Variants in USP12 observed in about 807,000 individuals in gnomAD.
USP12 encodes ubiquitin carboxyl-terminal hydrolase 12.
In USP12, 19 loss-of-function variants were observed where a neutral mutation model predicts 45.5. The ratio of observed to expected loss-of-function variants is 0.42; its 90% CI spans 0.29 to 0.61. The LOEUF is 0.61. Ranked by LOEUF, USP12 falls within the 20% of genes least tolerant of loss-of-function variation. The pLI, the probability that USP12 is intolerant of heterozygous loss-of-function variation, is 0.22. For synonymous variants in USP12, 149 were observed against 148.8 expected, an observed-to-expected ratio of 1.00 and a Z score of -0.01; for missense variants, 242 against 447.7, an observed-to-expected ratio of 0.54 and a Z score of 4.15.
At chr13:27,111,271 T>G (rs1875431985) in intron 2 of USP12, among the ~76,000 whole-genome samples, 1 of 152,226 alleles carries the variant, frequency 6.6e-6, no homozygotes, top group South Asian at 2.1e-4. Context: ...TGATTTTTAA[T>G]ATTAACTTTC....
intron 1 of USP12, chr13:27,162,817 G>A (rs1177154302): frequency 6.6e-6 from 1 of 152,110 alleles, no homozygotes; most frequent in Non-Finnish European, 1.5e-5. Context: ...TGTGTTTTCT[G>A]TCATTCTTTT....
intron 1 of USP12, among the ~76,000 whole-genome samples, chr13:27,166,965 T>C (rs1420225645): frequency 6.6e-6 from 1 of 152,196 alleles, no homozygotes; most frequent in Admixed American, 6.5e-5. Flanking sequence ...TGAATGATGA[T>C]AATGATAACA....
intron 1 of USP12, among the ~76,000 whole-genome samples, chr13:27,139,433 T>C (rs547985851): frequency 2.6e-5 from 4 of 152,246 alleles, no homozygotes; most frequent in East Asian, 1.9e-4. Flanking sequence ...CTGGGCAACA[T>C]GGTGAAACCC....
intron 1 of USP12, among the ~76,000 whole-genome samples, chr13:27,155,157 T>C (rs921813421): frequency 2.1e-4 from 29 of 135,350 alleles, no homozygotes; most frequent in East Asian, 1.3e-3. Context: ...TCTCGGCTCA[T>C]TGCAACCTCC....
At chr13:27,160,958 C>T (rs1279271675) in intron 1 of USP12, among the ~76,000 whole-genome samples, 1 of 152,078 alleles carries the variant, frequency 6.6e-6, no homozygotes, top group South Asian at 2.1e-4. Flanking sequence ...CGCCATCCTC[C>T]CCACAGGCCC....
chr13:27,095,773 T>A lies in USP12; in HGVS notation c.401A>T (p.Asn134Ile). The change falls in exon 4 of 9, where the codon AAT becomes ATT. Residue 134 changes from asparagine (N) to isoleucine (I), a missense_variant. Physicochemically the swap from Asn to Ile is moderately radical, Grantham distance 149. Around this residue, in one of 5 missense-constraint regions of USP12, gnomAD observed 77 missense variants for 153.7 expected, o/e 0.50. Coordinates refer to ENST00000282344, the MANE Select transcript of USP12 (RefSeq NM_182488.4). ...TTCTTGTAAAATATCAGCAATTGTA[T>A]TTAGTAGGTAATTTAAGAATTCATG... is the stretch of plus-strand genomic sequence containing the variant. Reference protein sequence around the residue: ...DAHEFLNYLLNTIADILQEER... With the variant: ...DAHEFLNYLLITIADILQEER... 1 of 1,612,234 alleles carries A rather than the reference T, an allele frequency of 6.2e-7. No homozygotes were observed. The highest frequency in any genetic ancestry group is 8.5e-7 in the Non-Finnish European group (1 of 1,179,422).
intron 6 of USP12, among the ~76,000 whole-genome samples, chr13:27,087,907 TAA>T (rs1193889635): frequency 6.6e-6 from 1 of 152,224 alleles, no homozygotes; most frequent in Non-Finnish European, 1.5e-5. Context: ...TGTAAGATTT[TAA>T]AAGTGAATAA....
At chr13:27,087,826 A>G (rs1339242532) in intron 6 of USP12, among the ~76,000 whole-genome samples, 1 of 152,244 alleles carries the variant, frequency 6.6e-6, no homozygotes, top group Non-Finnish European at 1.5e-5. Flanking sequence ...GACTGGAGAT[A>G]ATGTGAGCAT....
At chr13:27,072,967 G>A (rs1485119020) in intron 7 of USP12, among the ~76,000 whole-genome samples, 1 of 152,164 alleles carries the variant, frequency 6.6e-6, no homozygotes, top group African/African-American at 2.4e-5. Flanking sequence ...TTTTATTAGT[G>A]AGCAAATTAT....
chr13:27,153,889 T>C (rs1465135071), intron 1 of USP12, among the ~76,000 whole-genome samples: 1 of 152,224 alleles, frequency 6.6e-6, no homozygotes, highest in Non-Finnish European at 1.5e-5. Flanking sequence ...TCTCTAGAAG[T>C]CCAGGCTCTA....
At chr13:27,105,544 A>T (rs981789757) in intron 3 of USP12, among the ~76,000 whole-genome samples, 187 bp downstream of exon 3, 6 of 152,226 alleles carry the variant, frequency 3.9e-5, no homozygotes, top group African/African-American at 1.4e-4. Flanking sequence ...CGTATCTTGT[A>T]TTAATTACTG....
chr13:27,089,846 T>C, intron 6 of USP12, 37 bp downstream of exon 6: 2 of 1,590,116 alleles, frequency 1.3e-6, no homozygotes, highest in Non-Finnish European at 1.7e-6. Flanking sequence ...TTACAAAAAA[T>C]AAAATCACTT....
At position 27,118,498 on chromosome 13, in the gene USP12, C is replaced by T. The variant is rs115822679; in HGVS notation, c.49-1902G>A. The stretch of plus-strand genomic sequence containing the variant: ...ATTATTACAGCAACTTCACAATCCA[C>T]TAAAAATTGATGGGAATATTGCAAG... On this transcript the variant is annotated intron_variant, in intron 1 of 8. Transcript: ENST00000282344. Among the ~76,000 whole-genome samples the T allele has an allele frequency of 5.2e-3, 796 of 152,254 alleles. 7 individuals carry two copies. Among genetic ancestry groups the T allele is most frequent in the African/African-American group, 0.018 (762 of 41,526 alleles).
At chr13:27,152,719 G>A (rs1329078840) in intron 1 of USP12, among the ~76,000 whole-genome samples, 2 of 151,936 alleles carry the variant, frequency 1.3e-5, no homozygotes, top group Admixed American at 1.3e-4. Flanking sequence ...GAGGCGGGTG[G>A]ATCACGAGGT....
In USP12 at chr13:27,090,205, C is replaced by A. The variant is rs755182309; in HGVS notation, c.574-47G>T. The A allele has an allele frequency of 2.8e-6, 4 of 1,441,368 alleles. No homozygotes were observed. In the African/African-American group the frequency reaches 5.6e-5, roughly 20 times the overall value. The allele number at this position is 1,441,368 out of a possible 1,614,324, so 89.3% of individuals were successfully genotyped here. ...TTTGATTTTTTCAAATACTAGTAAA[C>A]CACAGTTCCCAATTAACAGAATTAA... On this transcript the variant is annotated intron_variant, in intron 4 of 8. Transcript: ENST00000282344.
intron 1 of USP12, among the ~76,000 whole-genome samples, chr13:27,144,454 T>G (rs1877215520): frequency 1.4e-5 from 2 of 143,558 alleles, no homozygotes; most frequent in African/African-American, 5.3e-5. Flanking sequence ...ATTAATATTA[T>G]CATACCACTG....
chr13:27,153,207 C>T (rs1370350038), intron 1 of USP12, among the ~76,000 whole-genome samples: 1 of 151,782 alleles, frequency 6.6e-6, no homozygotes, highest in Non-Finnish European at 1.5e-5. Context: ...GTGGCAGGCA[C>T]CTGTAATACC....
intron 1 of USP12, among the ~76,000 whole-genome samples, chr13:27,161,801 G>A (rs919976313): frequency 6.6e-6 from 1 of 152,002 alleles, no homozygotes; most frequent in African/African-American, 2.4e-5. Flanking sequence ...AGGATAGCTT[G>A]AGCCCGGGGG....
chr13:27,129,304 C>A lies in USP12; in HGVS notation c.49-12708G>T, dbSNP rs1187834452. Among the ~76,000 whole-genome samples, 1 of 152,188 alleles carries A rather than the reference C, an allele frequency of 6.6e-6. No individual in the cohort carries two copies. The highest frequency in any genetic ancestry group is 1.5e-5 in the Non-Finnish European group (1 of 68,024). ...TTCCCCTGACCTATAAAATGTGGTT[C>A]TCTCTTACCATTTTCCAGCTATAAA... On this transcript the variant is annotated intron_variant, in intron 1 of 8. Transcript: ENST00000282344. This position sits in a 1 kb window ranked among gnomAD's most constrained non-coding sequence, Gnocchi z 4.0.
Sources: allele counts gnomAD v4.1 joint callset (sites outside exome capture counted in the v4.1 genomes callset), GRCh38; gene constraint gnomAD v4.1.1; regional missense constraint gnomAD v4.1.1; non-coding constraint Gnocchi (gnomAD v3.1); transcripts MANE v1.5; gene names NCBI Gene and HGNC (gene_info 2026-07-23, HGNC 2026-07-21).